The following DOCK11 variants were observed in gnomAD, a reference collection of about 807,000 sequenced individuals.
DOCK11 encodes dedicator of cytokinesis protein 11.
Under a neutral mutation model 169.1 loss-of-function variants are expected in DOCK11, and 70 were observed. The observed-to-expected ratio is 0.41, with a 90% confidence interval of 0.34 to 0.51. The LOEUF (loss-of-function observed/expected upper bound fraction) is 0.51, where lower values mean the gene tolerates loss of function less well. DOCK11 is among the 20% of genes least tolerant of loss of function. The probability of loss-of-function intolerance (pLI) is 0.10; values close to 1 mark genes in which losing one functional copy is unlikely to be tolerated. For missense variants in DOCK11, 1,166 were observed against 1,538.8 expected, an observed-to-expected ratio of 0.76 and a Z score of 4.05; for synonymous variants, 529 against 541.3, an observed-to-expected ratio of 0.98 and a Z score of 0.32.
At chrX:118,616,123 T>C (rs1048594888) in intron 30 of DOCK11, 21 of 598,443 alleles carry the variant, frequency 3.5e-5, no homozygotes, top group Non-Finnish European at 4.5e-5. Flanking sequence ...GCTAGTTTTA[T>C]TGAATGCTTT....
chrX:118,577,916 C>G (rs2013501456), intron 12 of DOCK11, among the ~76,000 whole-genome samples: 1 of 111,843 alleles, frequency 8.9e-6, no homozygotes, highest in Admixed American at 9.5e-5. Flanking sequence ...TGGAAGGAGT[C>G]AAACTGGACA....
chrX:118,499,950 A>G (rs1473153961), intron 1 of DOCK11, among the ~76,000 whole-genome samples: 1 of 111,866 alleles, frequency 8.9e-6, no homozygotes. Context: ...AGCACCAAAT[A>G]GGAAAATTTG....
intron 26 of DOCK11, 116 bp from the exon 27 acceptor site, chrX:118,609,162 G>C: frequency 3.9e-6 from 2 of 507,882 alleles, no homozygotes; most frequent in African/African-American, 4.8e-5. Context: ...ATAGTGACTT[G>C]GGATCACTTG....
chrX:118,619,112 G>A (rs2014898150), intron 31 of DOCK11, among the ~76,000 whole-genome samples: 1 of 108,878 alleles, frequency 9.2e-6, no homozygotes, highest in African/African-American at 3.3e-5. Context: ...ACCCACTGTG[G>A]TCTCCCAAAC....
intron 1 of DOCK11, among the ~76,000 whole-genome samples, chrX:118,500,532 A>G (rs1412468530): frequency 8.9e-6 from 1 of 111,843 alleles, no homozygotes; most frequent in African/African-American, 3.3e-5. Flanking sequence ...TATATACTGT[A>G]TATATAGATG....
At chrX:118,509,571 G>T (rs1485394199) in intron 1 of DOCK11, among the ~76,000 whole-genome samples, 1 of 112,356 alleles carries the variant, frequency 8.9e-6, no homozygotes, top group Non-Finnish European at 1.9e-5. Flanking sequence ...GCCTGGAGGG[G>T]TGAGTTTCTG....
intron 10 of DOCK11, among the ~76,000 whole-genome samples, chrX:118,570,731 A>G (rs577596017): frequency 2.7e-4 from 30 of 112,082 alleles, no homozygotes; most frequent in African/African-American, 9.4e-4. Context: ...GCTCAGATCC[A>G]CCCAATCATT....
At chrX:118,499,901 T>G (rs1423854700) in intron 1 of DOCK11, among the ~76,000 whole-genome samples, 2 of 111,949 alleles carry the variant, frequency 1.8e-5, no homozygotes, top group East Asian at 5.6e-4. Flanking sequence ...TGCAGGTTGC[T>G]GTGAAGCCAG....
intron 47 of DOCK11, among the ~76,000 whole-genome samples, chrX:118,676,284 C>T (rs917915580): frequency 2.7e-5 from 3 of 111,096 alleles, no homozygotes; most frequent in African/African-American, 9.8e-5. Context: ...TTTTAAAGTA[C>T]ATATTAAATA....
chrX:118,586,720 A>G (rs1470600636), intron 16 of DOCK11, among the ~76,000 whole-genome samples: 2 of 112,053 alleles, frequency 1.8e-5, no homozygotes, highest in Non-Finnish European at 3.8e-5. Context: ...GGCATCACAT[A>G]CGTTGTAAAG....
In DOCK11 at chrX:118,628,208, C is replaced by G; in HGVS notation, c.3710C>G (p.Ser1237Ter). ...GGACATGGAATTAAGAGAGAAGATT[C>G]AAGAGGTTCCCTCATCCCAGAAGGA... ...QNGHGIKRED[S>*]RGSLIPEGAT... Residue 1237 changes from serine to a stop codon, truncating the protein, a stop_gained, in exon 34 of 53, where the codon TCA becomes TGA. Coordinates refer to ENST00000276202, the MANE Select transcript of DOCK11 (RefSeq NM_144658.4). LOFTEE classifies it high-confidence loss of function. 1.7e-6 allele frequency: 2 copies of G among 1,207,763 alleles called. No individual in the cohort carries two copies. Among genetic ancestry groups the G allele is most frequent in the Non-Finnish European group, 1.1e-6 (1 of 892,691 alleles).
chrX:118,513,474 G>A (rs1429743402), intron 1 of DOCK11, among the ~76,000 whole-genome samples: 1 of 112,002 alleles, frequency 8.9e-6, no homozygotes, highest in Non-Finnish European at 1.9e-5. Flanking sequence ...AGTTAGCTAG[G>A]TGTGGTGGCA....
intron 16 of DOCK11, among the ~76,000 whole-genome samples, chrX:118,585,815 A>G (rs942687438): frequency 8.9e-6 from 1 of 111,737 alleles, no homozygotes; most frequent in Non-Finnish European, 1.9e-5. Context: ...TCTAAGGACA[A>G]GAATCCAAGA....
intron 12 of DOCK11, among the ~76,000 whole-genome samples, chrX:118,576,278 T>A (rs1490693390): frequency 1.8e-5 from 2 of 110,288 alleles, no homozygotes; most frequent in East Asian, 5.7e-4. Flanking sequence ...TGGGTAAGAG[T>A]CGCCCTGGGG....
In DOCK11 at chrX:118,681,068, G is replaced by A. The variant is rs146901477; in HGVS notation, c.5682G>A (p.Ser1894=). The change falls in exon 50 of 53, where the codon TCG becomes TCA. Residue 1894 remains serine (S), a synonymous_variant. Coordinates refer to ENST00000276202, the MANE Select transcript of DOCK11 (RefSeq NM_144658.4). ...KRRTILTTSN[S]FPYVKKRIPI... Reference sequence around the variant, plus strand: ...TTAACATTTTAATAGCTTCAAACTCGTTTCCTTACGTGAAGAAGAGGATTC... The same window carrying A: ...TTAACATTTTAATAGCTTCAAACTCATTTCCTTACGTGAAGAAGAGGATTC... 3.2e-4 allele frequency: 375 copies of A among 1,167,590 alleles called. 1 individual carries two copies. Among genetic ancestry groups the A allele is most frequent in the African/African-American group, 8.6e-4 (48 of 55,569 alleles).
intron 31 of DOCK11, among the ~76,000 whole-genome samples, chrX:118,621,573 A>T (rs1332370406): frequency 1.8e-5 from 2 of 111,964 alleles, no homozygotes; most frequent in African/African-American, 3.2e-5. Context: ...CCCTGCTCTT[A>T]GGAAATTCTG....
At chrX:118,632,969 T>TGGGGGG (rs766019635) in intron 35 of DOCK11, 3 of 35,826 alleles carry the variant, frequency 8.4e-5, no homozygotes, top group Non-Finnish European at 1.4e-4. Context: ...TGGGGGGCGG[T>TGGGGGG]GGGGGGGGGG....
At chrX:118,644,201 A>G (rs990389722) in intron 40 of DOCK11, among the ~76,000 whole-genome samples, 1 of 112,030 alleles carries the variant, frequency 8.9e-6, no homozygotes, top group Non-Finnish European at 1.9e-5. Context: ...AAGAATAAAC[A>G]TAATTAACCA....
chrX:118,610,868 G>A (rs1000854906), intron 28 of DOCK11, among the ~76,000 whole-genome samples: 3 of 110,846 alleles, frequency 2.7e-5, no homozygotes, highest in Admixed American at 9.6e-5. Context: ...GTGAAACCCC[G>A]TCTCTACCAA....
Sources: allele counts gnomAD v4.1 joint callset (sites outside exome capture counted in the v4.1 genomes callset), GRCh38; gene constraint gnomAD v4.1.1; transcripts MANE v1.5; gene names NCBI Gene and HGNC (gene_info 2026-07-23, HGNC 2026-07-21).